NLGN1: variants seen among roughly 807,000 people sequenced by gnomAD.
NLGN1 encodes the protein neuroligin 1.
NLGN1 carries 12 observed loss-of-function variants against 65.5 expected under a neutral mutation model. That is an observed-to-expected ratio of 0.18 (90% CI 0.12 to 0.30). NLGN1 has a LOEUF of 0.30. NLGN1 is among the 10% of genes least tolerant of loss of function. The pLI is 1.00. For missense variants in NLGN1, 750 were observed against 1,007.1 expected, an observed-to-expected ratio of 0.74 and a Z score of 3.46; for synonymous variants, 350 against 359.5, an observed-to-expected ratio of 0.97 and a Z score of 0.30.
chr3:173,401,352 A>C (rs1717662615), intron 1 of NLGN1, among the ~76,000 whole-genome samples: 2 of 148,824 alleles, frequency 1.3e-5, no homozygotes, highest in South Asian at 4.2e-4. Flanking sequence ...TCTGTTTCCT[A>C]CTCTTCCCTA....
intron 3 of NLGN1, among the ~76,000 whole-genome samples, chr3:173,622,577 A>G (rs1754173772): frequency 6.6e-6 from 1 of 151,748 alleles, no homozygotes. Flanking sequence ...GTCCCGGTAA[A>G]AAGAGGAGGA....
chr3:173,548,815 G>A (rs1740351357), intron 2 of NLGN1, among the ~76,000 whole-genome samples: 1 of 151,692 alleles, frequency 6.6e-6, no homozygotes, highest in Non-Finnish European at 1.5e-5. Context: ...AATTTGAAGT[G>A]GAGATTCTAT....
chr3:174,258,482 A>G (rs1746214378), intron 4 of NLGN1, among the ~76,000 whole-genome samples: 1 of 152,198 alleles, frequency 6.6e-6, no homozygotes, highest in Non-Finnish European at 1.5e-5. Context: ...ATGTATCTAT[A>G]TACTTTATAC....
chr3:174,021,997 G>A (rs1296628475), intron 4 of NLGN1, among the ~76,000 whole-genome samples: 1 of 152,100 alleles, frequency 6.6e-6, no homozygotes, highest in Non-Finnish European at 1.5e-5. Context: ...TCTGAGAAGA[G>A]GGTTCAGTTG....
At chr3:173,978,043 G>A (rs1303517453) in intron 4 of NLGN1, among the ~76,000 whole-genome samples, 1 of 152,020 alleles carries the variant, frequency 6.6e-6, no homozygotes, top group Non-Finnish European at 1.5e-5. Flanking sequence ...TGAAGCCAAG[G>A]GGAGAGAAAA....
At chr3:173,884,757 G>A (rs570979322) in intron 4 of NLGN1, among the ~76,000 whole-genome samples, 32 of 152,030 alleles carry the variant, frequency 2.1e-4, no homozygotes, top group African/African-American at 7.0e-4. Flanking sequence ...TAAAAAAAAC[G>A]CAGACTGGAT....
At chr3:174,024,141 T>TAAAAAAAAAAAAAA in intron 4 of NLGN1, among the ~76,000 whole-genome samples, 2 of 86,038 alleles carry the variant, frequency 2.3e-5, no homozygotes, top group Admixed American at 1.4e-4. Flanking sequence ...AGAGTCCTAT[T>TAAAAAAAAAAAAAA]AAAAAAAAAA....
chr3:173,562,365 G>A (rs1490609762), intron 2 of NLGN1, among the ~76,000 whole-genome samples: 1 of 152,102 alleles, frequency 6.6e-6, no homozygotes, highest in Non-Finnish European at 1.5e-5. Context: ...TCAGGAGATC[G>A]AGACTATCTT....
At chr3:173,965,504 A>T (rs1443918754) in intron 4 of NLGN1, among the ~76,000 whole-genome samples, 1 of 147,326 alleles carries the variant, frequency 6.8e-6, no homozygotes, top group Non-Finnish European at 1.5e-5. Context: ...TTTTAAGTAG[A>T]GACAGAATTT....
chr3:174,087,935 T>C (rs1371779286), intron 4 of NLGN1, among the ~76,000 whole-genome samples: 1 of 152,222 alleles, frequency 6.6e-6, no homozygotes, highest in African/African-American at 2.4e-5. Context: ...ATTCCTGCAA[T>C]ATGGCATCAT....
intron 3 of NLGN1, among the ~76,000 whole-genome samples, chr3:173,741,136 A>G (rs1449289765): frequency 1.3e-5 from 2 of 152,184 alleles, no homozygotes; most frequent in African/African-American, 2.4e-5. Context: ...TTACCAGTAC[A>G]TAAGTATTAC....
chr3:173,445,267 CAAAAAAAAAAAAAAAAA>C (rs60140480), intron 2 of NLGN1, among the ~76,000 whole-genome samples: 2 of 103,510 alleles, frequency 1.9e-5, no homozygotes. Flanking sequence ...GACTCCGTCT[CAAAAAAAAAAAAAAAAA>C]AAAAAAAAAA....
At chr3:173,972,717 A>G (rs553179852) in intron 4 of NLGN1, among the ~76,000 whole-genome samples, 8 of 152,208 alleles carry the variant, frequency 5.3e-5, no homozygotes, top group Non-Finnish European at 8.8e-5. Flanking sequence ...AGTCCTGGTG[A>G]GGCAGTGATT....
intron 4 of NLGN1, among the ~76,000 whole-genome samples, chr3:174,160,888 T>C (rs552949821): frequency 2.0e-5 from 3 of 151,578 alleles, no homozygotes; most frequent in African/African-American, 7.2e-5. Context: ...TTTCTAACTA[T>C]TTTTTTGTAC....
chr3:173,825,531 A>G (rs1721174913), intron 4 of NLGN1, among the ~76,000 whole-genome samples: 1 of 152,140 alleles, frequency 6.6e-6, no homozygotes, highest in South Asian at 2.1e-4. Flanking sequence ...TTCCCACAGT[A>G]TATAATTATT....
chr3:174,255,674 T>TATTTATTTA, intron 4 of NLGN1, among the ~76,000 whole-genome samples: 1 of 146,724 alleles, frequency 6.8e-6, no homozygotes, highest in Non-Finnish European at 1.5e-5. Context: ...TTTATTTATT[T>TATTTATTTA]TTGAGATAGG....
intron 4 of NLGN1, among the ~76,000 whole-genome samples, chr3:173,826,492 C>T (rs1382633459): frequency 6.6e-6 from 1 of 152,108 alleles, no homozygotes; most frequent in African/African-American, 2.4e-5. Flanking sequence ...TGATTCCTTA[C>T]TCATTTGATC....
intron 2 of NLGN1, among the ~76,000 whole-genome samples, chr3:173,552,836 T>A (rs1261414978): frequency 6.6e-6 from 1 of 152,202 alleles, no homozygotes; most frequent in Non-Finnish European, 1.5e-5. Context: ...TGTTTTGTCA[T>A]ACTTGTATGT....
intron 4 of NLGN1, among the ~76,000 whole-genome samples, chr3:174,029,215 G>A (rs905839134): frequency 6.6e-6 from 1 of 152,186 alleles, no homozygotes; most frequent in Admixed American, 6.5e-5. Flanking sequence ...CTCAACATCA[G>A]CCTGTGAAAG....
Sources: gnomAD v4.1 joint callset for allele counts (sites outside exome capture counted in the v4.1 genomes callset) on GRCh38, gnomAD v4.1.1 for gene constraint, MANE v1.5 for transcripts, NCBI Gene and HGNC (gene_info 2026-07-23, HGNC 2026-07-21) for gene names.